ATP13A4: variants seen among roughly 807,000 people sequenced by gnomAD.
The protein encoded by ATP13A4 is ATPase 13A4, also known as probable cation-transporting ATPase 13A4.
ATP13A4 carries 114 observed loss-of-function variants against 142.5 expected under a neutral mutation model. The observed-to-expected ratio is 0.80, with a 90% CI of 0.69 to 0.93. ATP13A4 has a LOEUF of 0.93. Ranked by LOEUF, ATP13A4 falls within the 40% of genes least tolerant of loss-of-function variation. The pLI, the probability that ATP13A4 is intolerant of heterozygous loss-of-function variation, is 0.00. For synonymous variants in ATP13A4, 488 were observed against 514.8 expected (o/e 0.95, Z 0.70); for missense variants, 1,392 against 1,454.0 (o/e 0.96, Z 0.69).
chr3:193,549,981 C>A (rs893169918), intron 1 of ATP13A4, among the ~76,000 whole-genome samples: 1 of 151,956 alleles, frequency 6.6e-6, no homozygotes, highest in Admixed American at 6.6e-5. Flanking sequence ...CAACATGTAG[C>A]GGGGAAAAGG....
At chr3:193,404,238 TA>T (rs1560165679) in intron 29 of ATP13A4, 5 of 739,634 alleles carry the variant, frequency 6.8e-6, no homozygotes, top group Non-Finnish European at 8.2e-6. Context: ...TAGCAAACCT[TA>T]AAACAAAATA....
At chr3:193,551,815 G>C (rs1723587401) in intron 1 of ATP13A4, among the ~76,000 whole-genome samples, 1 of 152,158 alleles carries the variant, frequency 6.6e-6, no homozygotes, top group South Asian at 2.1e-4. Flanking sequence ...TTCGCTGAAG[G>C]CCACTTTCTC....
At chr3:193,413,233 A>C (rs2108604258) in intron 26 of ATP13A4, among the ~76,000 whole-genome samples, 1 of 152,348 alleles carries the variant, frequency 6.6e-6, no homozygotes, top group Non-Finnish European at 1.5e-5. Context: ...GACATTTATC[A>C]GTTCCCAAAT....
intron 2 of ATP13A4, among the ~76,000 whole-genome samples, chr3:193,510,771 A>C (rs1239066483): frequency 6.6e-6 from 1 of 152,116 alleles, no homozygotes; most frequent in African/African-American, 2.4e-5. Flanking sequence ...ATCTGTGATA[A>C]TGATCTGTAA....
At chr3:193,582,202 G>C (rs893754568) in intron 1 of ATP13A4, among the ~76,000 whole-genome samples, 7 of 144,092 alleles carry the variant, frequency 4.9e-5, no homozygotes, top group African/African-American at 1.8e-4. Context: ...AGGCTGGAGT[G>C]CAATGGCATG....
chr3:193,499,217 C>T (rs986541131), intron 3 of ATP13A4, among the ~76,000 whole-genome samples: 17 of 152,210 alleles, frequency 1.1e-4, no homozygotes, highest in African/African-American at 3.1e-4. Flanking sequence ...ATCTTATTGC[C>T]GATTTAGAGT....
At chr3:193,581,600 C>G (rs1724547528) in intron 2 of ATP13A4, 1 of 152,078 alleles carries the variant, frequency 6.6e-6, no homozygotes, top group South Asian at 2.1e-4. Flanking sequence ...ATTCCTAATC[C>G]CTTTGAATCT....
chr3:193,485,509 G>A (rs1389554030), intron 7 of ATP13A4, among the ~76,000 whole-genome samples: 1 of 152,096 alleles, frequency 6.6e-6, no homozygotes, highest in African/African-American at 2.4e-5. Flanking sequence ...AGGCTGAGTG[G>A]TGTTTAATAT....
intron 8 of ATP13A4, among the ~76,000 whole-genome samples, chr3:193,472,286 G>A (rs920344322): frequency 6.6e-6 from 1 of 152,132 alleles, no homozygotes; most frequent in African/African-American, 2.4e-5. Flanking sequence ...AGGGCTATGC[G>A]CTCCATCCCA....
chr3:193,456,939 T>C (rs1309278783), intron 16 of ATP13A4, 61 bp downstream of exon 16: 2 of 1,552,052 alleles, frequency 1.3e-6, no homozygotes, highest in Admixed American at 1.9e-5. Context: ...TCAAATGCAG[T>C]GGGAACATAT....
rs1240959118 is a variant in ATP13A4, at chr3:193,459,223, T to C, written c.1532A>G (p.Glu511Gly). 1.9e-6 allele frequency: 3 copies of C among 1,614,242 alleles called. No homozygotes were observed. Among genetic ancestry groups the C allele is most frequent in the Non-Finnish European group, 2.5e-6 (3 of 1,180,034 alleles). The change falls in exon 14 of 30, where the codon GAA (glutamate) becomes GGA (glycine). Residue 511 changes from glutamate (E) to glycine (G), a missense_variant. Glu to Gly is a moderately conservative substitution (Grantham distance 98). Transcript: ENST00000342695. ...VVSCDRNGFQ[E>G]VHSFASGQAL... The stretch of plus-strand genomic sequence containing the variant: ...CTGGCCTGAGGCAAAGCTGTGAACT[T>C]CCTGAAAGCTTAAGGAGAAAAGGAA...
chr3:193,428,047 A>G (rs1715764199), intron 25 of ATP13A4, among the ~76,000 whole-genome samples: 1 of 152,216 alleles, frequency 6.6e-6, no homozygotes, highest in South Asian at 2.1e-4. Flanking sequence ...CTCATCTGAC[A>G]AAGGGCTAAT....
In ATP13A4 at chr3:193,497,663, C is replaced by T. The variant is rs113125315; in HGVS notation, c.382-4503G>A. Reference sequence around the variant, plus strand: ...CACAATAACCAAGATATGGAATTAACCTAAGGGTCTATCAATGGATGAATG... The same window carrying T: ...CACAATAACCAAGATATGGAATTAATCTAAGGGTCTATCAATGGATGAATG... On this transcript the variant is annotated intron_variant, in intron 3 of 29. Transcript: ENST00000342695. 5.3e-5 allele frequency among the ~76,000 whole-genome samples: 8 copies of T among 152,020 alleles called. No homozygotes were observed. In the South Asian group the frequency reaches 1.7e-3, roughly 32 times the overall value.
At chr3:193,541,248 C>CAAAAAA (rs71179308) in intron 1 of ATP13A4, among the ~76,000 whole-genome samples, 816 of 51,260 alleles carry the variant, frequency 0.016, 39 homozygotes, top group African/African-American at 0.05. Flanking sequence ...GACTCCTTCT[C>CAAAAAA]AAAAAAAAAA....
intron 23 of ATP13A4, among the ~76,000 whole-genome samples, chr3:193,436,550 T>C (rs1231427517): frequency 6.6e-6 from 1 of 151,838 alleles, no homozygotes; most frequent in Admixed American, 6.6e-5. Flanking sequence ...CAGGTTCAAG[T>C]GATTCGCCCG....
intron 2 of ATP13A4, among the ~76,000 whole-genome samples, chr3:193,507,166 C>T (rs1490464672): frequency 3.3e-5 from 5 of 152,100 alleles, no homozygotes; most frequent in African/African-American, 1.2e-4. Context: ...TAATTTTCTC[C>T]TGGAGATGGA....
chr3:193,486,245 A>T (rs866872914), intron 7 of ATP13A4, among the ~76,000 whole-genome samples: 101 of 152,272 alleles, frequency 6.6e-4, no homozygotes, highest in African/African-American at 2.2e-3. Context: ...GGAAAGCTTT[A>T]AAGTCTGCGA....
At chr3:193,482,931 G>A (rs987172001) in intron 8 of ATP13A4, among the ~76,000 whole-genome samples, 24 of 152,144 alleles carry the variant, frequency 1.6e-4, no homozygotes, top group African/African-American at 5.3e-4. Flanking sequence ...GTCTATACAC[G>A]GCTTGTATCC....
At chr3:193,421,078 A>G (rs1370846358) in intron 25 of ATP13A4, among the ~76,000 whole-genome samples, 1 of 149,960 alleles carries the variant, frequency 6.7e-6, no homozygotes, top group Non-Finnish European at 1.5e-5. Context: ...AGAGTCCCCA[A>G]AAGAATTCAA....
Sources: allele counts gnomAD v4.1 joint callset (sites outside exome capture counted in the v4.1 genomes callset), GRCh38; gene constraint gnomAD v4.1.1; transcripts MANE v1.5; gene names NCBI Gene and HGNC (gene_info 2026-07-23, HGNC 2026-07-21).